Variants in THSD4 observed in about 807,000 individuals in gnomAD.
The protein encoded by THSD4 is thrombospondin type 1 domain containing 4.
In THSD4, 69 loss-of-function variants were observed where a neutral mutation model predicts 119.0. That is an observed-to-expected ratio of 0.58 (90% confidence interval 0.48 to 0.71). The LOEUF is 0.71. THSD4 is among the 30% of genes least tolerant of loss of function. The pLI is 0.00. For missense variants in THSD4, 1,393 were observed against 1,391.1 expected (o/e 1.00, Z -0.02); for synonymous variants, 524 against 540.4 (o/e 0.97, Z 0.42).
At chr15:71,445,078 C>T (rs1169284840) in intron 7 of THSD4, among the ~76,000 whole-genome samples, 1 of 152,140 alleles carries the variant, frequency 6.6e-6, no homozygotes, top group Non-Finnish European at 1.5e-5. Context: ...GGCTCTGTCC[C>T]TACTTGTTTT....
chr15:71,409,162 C>T (rs1245094498), intron 6 of THSD4, among the ~76,000 whole-genome samples: 7 of 150,812 alleles, frequency 4.6e-5, no homozygotes, highest in Non-Finnish European at 1.0e-4. Flanking sequence ...TTTTCCCCCC[C>T]CCTCAGAATG....
chr15:71,516,158 G>A (rs747754305), intron 7 of THSD4, among the ~76,000 whole-genome samples: 3 of 152,222 alleles, frequency 2.0e-5, no homozygotes, highest in Non-Finnish European at 4.4e-5. Flanking sequence ...TACAGGTGGT[G>A]TCCTGGAAGA....
At chr15:71,658,922 A>G (rs1458634357) in intron 7 of THSD4, among the ~76,000 whole-genome samples, 1 of 152,198 alleles carries the variant, frequency 6.6e-6, no homozygotes, top group Non-Finnish European at 1.5e-5. Flanking sequence ...GCCTGCAGAA[A>G]GGTTTCAATC....
At chr15:71,336,427 T>C (rs2045490448) in intron 6 of THSD4, among the ~76,000 whole-genome samples, 2 of 152,252 alleles carry the variant, frequency 1.3e-5, no homozygotes, top group South Asian at 4.1e-4. Context: ...AAGCAAGGAA[T>C]TTTATACTTT....
intron 7 of THSD4, among the ~76,000 whole-genome samples, chr15:71,656,724 A>G (rs2051199580): frequency 6.6e-6 from 1 of 152,212 alleles, no homozygotes; most frequent in Non-Finnish European, 1.5e-5. Context: ...CTTGCTTTAA[A>G]TCCAAGCTCT....
intron 7 of THSD4, among the ~76,000 whole-genome samples, chr15:71,487,755 A>T (rs2047845064): frequency 6.6e-6 from 1 of 152,210 alleles, no homozygotes; most frequent in African/African-American, 2.4e-5. Context: ...AAATTGACTT[A>T]TATTTTATCT....
intron 7 of THSD4, among the ~76,000 whole-genome samples, chr15:71,637,901 AT>A (rs1293908574): frequency 1.3e-5 from 2 of 151,674 alleles, no homozygotes; most frequent in African/African-American, 4.8e-5. Flanking sequence ...AAGTTTTTGT[AT>A]TTTTAGTAGA....
intron 7 of THSD4, among the ~76,000 whole-genome samples, chr15:71,599,898 C>T (rs1380192402): frequency 1.3e-5 from 2 of 152,194 alleles, no homozygotes; most frequent in African/African-American, 4.8e-5. Flanking sequence ...TCCTTTCCAG[C>T]TGCAGAGCCA....
intron 3 of THSD4, among the ~76,000 whole-genome samples, chr15:71,199,664 CAT>C (rs2043763368): frequency 3.4e-4 from 2 of 5,884 alleles, no homozygotes; most frequent in African/African-American, 6.7e-4. Flanking sequence ...GTGTGTGATG[CAT>C]GTGTGGAGGG....
chr15:71,313,038 T>C (rs2045134155), intron 6 of THSD4, among the ~76,000 whole-genome samples: 1 of 152,196 alleles, frequency 6.6e-6, no homozygotes, highest in African/African-American at 2.4e-5. Context: ...TAACGGCACT[T>C]AATGAGTGTT....
At chr15:71,387,205 T>C (rs898884044) in intron 6 of THSD4, among the ~76,000 whole-genome samples, 3 of 149,226 alleles carry the variant, frequency 2.0e-5, no homozygotes, top group Non-Finnish European at 3.0e-5. Context: ...CTCATTAACG[T>C]TAAAAAAAAA....
intron 3 of THSD4, among the ~76,000 whole-genome samples, chr15:71,157,297 G>A (rs1170538887): frequency 3.9e-5 from 6 of 152,108 alleles, no homozygotes; most frequent in African/African-American, 1.4e-4. Context: ...AAAGATTTAT[G>A]AGTTATTTTA....
chr15:71,711,690 T>A (rs2052519478), intron 8 of THSD4, among the ~76,000 whole-genome samples: 1 of 151,724 alleles, frequency 6.6e-6, no homozygotes, highest in Non-Finnish European at 1.5e-5. Flanking sequence ...ATAAATAGAT[T>A]TAAAGGAAAC....
intron 7 of THSD4, among the ~76,000 whole-genome samples, chr15:71,659,781 G>C (rs1356457357): frequency 6.6e-6 from 1 of 152,168 alleles, no homozygotes; most frequent in Non-Finnish European, 1.5e-5. Flanking sequence ...GAGAGATAAA[G>C]CAAAAAGATC....
intron 3 of THSD4, among the ~76,000 whole-genome samples, chr15:71,196,862 G>A (rs1447573726): frequency 6.6e-6 from 1 of 152,136 alleles, no homozygotes; most frequent in East Asian, 1.9e-4. Context: ...ATGGCATCAT[G>A]GTATGCGTGG....
intron 6 of THSD4, among the ~76,000 whole-genome samples, chr15:71,273,952 A>G (rs1174607167): frequency 6.6e-6 from 1 of 152,168 alleles, no homozygotes; most frequent in East Asian, 1.9e-4. Flanking sequence ...GGTGGACAGA[A>G]CTCACAGTCT....
Position 71,506,671 on chromosome 15 carries a change from C to T in THSD4, c.1152+94848C>T, listed in dbSNP as rs115219705. Among the ~76,000 whole-genome samples, 1,363 of 152,160 alleles carry T rather than the reference C, an allele frequency of 9.0e-3. 16 individuals are homozygous for T. The highest frequency in any genetic ancestry group is 0.023 in the African/African-American group (950 of 41,418). On this transcript the variant is annotated intron_variant, in intron 7 of 17. Coordinates refer to ENST00000261862, the MANE Select transcript of THSD4 (RefSeq NM_024817.3). ...AACTTGCGTAAAGGATCAGATGATC[C>T]CATTGTATCCCACAATTCCATTTCC...
chr15:71,768,023 C>T (rs942456024), intron 16 of THSD4, among the ~76,000 whole-genome samples: 2 of 152,148 alleles, frequency 1.3e-5, no homozygotes, highest in African/African-American at 2.4e-5. Flanking sequence ...AAGTCATCAT[C>T]ATAGGATGTT....
chr15:71,697,598 C>T (rs1048003799), intron 8 of THSD4, among the ~76,000 whole-genome samples: 1 of 152,158 alleles, frequency 6.6e-6, no homozygotes, highest in African/African-American at 2.4e-5. Flanking sequence ...GAGGAGGGGA[C>T]ATGTGGTGAT....
Sources: gnomAD v4.1 joint callset for allele counts (sites outside exome capture counted in the v4.1 genomes callset) on GRCh38, gnomAD v4.1.1 for gene constraint, MANE v1.5 for transcripts, NCBI Gene and HGNC (gene_info 2026-07-23, HGNC 2026-07-21) for gene names.